The following IMMP2L variants were observed in gnomAD, a reference collection of about 807,000 sequenced individuals.
The protein encoded by IMMP2L is mitochondrial inner membrane protease subunit 2.
In IMMP2L, 18 loss-of-function variants were observed where a neutral mutation model predicts 19.3. The ratio of observed to expected loss-of-function variants is 0.93; its 90% CI spans 0.64 to 1.38. IMMP2L has a LOEUF of 1.38. IMMP2L is among the 40% of genes most tolerant of loss of function. The pLI is 0.00. For synonymous variants in IMMP2L, 76 were observed against 73.0 expected (o/e 1.04, Z -0.21); for missense variants, 233 against 218.2 (o/e 1.07, Z -0.43).
intron 3 of IMMP2L, among the ~76,000 whole-genome samples, chr7:111,031,618 C>A (rs1162711289): frequency 6.6e-6 from 1 of 152,026 alleles, no homozygotes; most frequent in East Asian, 1.9e-4. Flanking sequence ...GATAAAGAGG[C>A]AAGTATATCC....
chr7:110,749,739 C>G (rs1038770887), intron 5 of IMMP2L, among the ~76,000 whole-genome samples: 20 of 151,894 alleles, frequency 1.3e-4, no homozygotes, highest in African/African-American at 4.8e-4. Context: ...CACACTAGGG[C>G]CTGTCAGGGG....
At chr7:110,986,739 A>T (rs527332793) in intron 3 of IMMP2L, among the ~76,000 whole-genome samples, 1 of 152,046 alleles carries the variant, frequency 6.6e-6, no homozygotes, top group African/African-American at 2.4e-5. Context: ...CAGCTGGCTT[A>T]TTTGTAAAAC....
intron 5 of IMMP2L, among the ~76,000 whole-genome samples, chr7:110,867,309 T>C (rs2129543444): frequency 6.6e-6 from 1 of 151,942 alleles, no homozygotes; most frequent in South Asian, 2.1e-4. Flanking sequence ...ACTAATCTCA[T>C]CATGAGGGGC....
intron 3 of IMMP2L, among the ~76,000 whole-genome samples, chr7:111,332,268 TAGAG>T: frequency 6.6e-6 from 1 of 151,974 alleles, no homozygotes; most frequent in South Asian, 2.1e-4. Context: ...AAAAGGTTAC[TAGAG>T]AAAGAAGCCA....
At chr7:111,114,901 G>A (rs918509676) in intron 3 of IMMP2L, among the ~76,000 whole-genome samples, 4 of 151,754 alleles carry the variant, frequency 2.6e-5, no homozygotes, top group African/African-American at 4.8e-5. Flanking sequence ...CCTAACTCCC[G>A]GGTCTGCATA....
At chr7:111,016,930 CT>C (rs375334033) in intron 3 of IMMP2L, among the ~76,000 whole-genome samples, 12,375 of 97,198 alleles carry the variant, frequency 0.13, 819 homozygotes, top group South Asian at 0.26. Context: ...TTTATATATA[CT>C]AATATATATT....
At chr7:110,670,228 T>C (rs926359705) in intron 5 of IMMP2L, among the ~76,000 whole-genome samples, 1 of 152,082 alleles carries the variant, frequency 6.6e-6, no homozygotes, top group Non-Finnish European at 1.5e-5. Context: ...GAAGGTGGCA[T>C]CAACAGCCAA....
intron 3 of IMMP2L, among the ~76,000 whole-genome samples, chr7:111,292,881 A>C (rs1190364600): frequency 1.3e-5 from 2 of 152,020 alleles, no homozygotes; most frequent in Non-Finnish European, 2.9e-5. Flanking sequence ...TTATGGAACA[A>C]CCATTATAAC....
At chr7:111,534,396 GA>G (rs1425985428) in intron 1 of IMMP2L, among the ~76,000 whole-genome samples, 2 of 151,968 alleles carry the variant, frequency 1.3e-5, no homozygotes, top group Non-Finnish European at 2.9e-5. Context: ...TTTTTAATAT[GA>G]ACCCATTTAT....
chr7:110,938,606 A>C (rs893203511), intron 4 of IMMP2L, among the ~76,000 whole-genome samples: 2 of 152,172 alleles, frequency 1.3e-5, no homozygotes, highest in Admixed American at 1.3e-4. Context: ...GGAGTTTCTG[A>C]TTAAAAAGAT....
At chr7:110,796,812 C>T (rs1043324611) in intron 5 of IMMP2L, among the ~76,000 whole-genome samples, 2 of 151,954 alleles carry the variant, frequency 1.3e-5, no homozygotes, top group African/African-American at 4.8e-5. Flanking sequence ...GTTAATTAAC[C>T]AAGGATATCT....
intron 4 of IMMP2L, among the ~76,000 whole-genome samples, chr7:110,927,968 C>T (rs1815044858): frequency 6.6e-6 from 1 of 152,010 alleles, no homozygotes; most frequent in Non-Finnish European, 1.5e-5. Context: ...TTCCTTTTTT[C>T]TTGATATGTT....
intron 1 of IMMP2L, chr7:111,532,423 C>CT (rs1415359131): frequency 1.3e-5 from 2 of 152,064 alleles, no homozygotes; most frequent in Admixed American, 6.6e-5. Context: ...AAATCCTATC[C>CT]TGATCCCTAC....
intron 5 of IMMP2L, among the ~76,000 whole-genome samples, chr7:110,689,132 C>T (rs1793321184): frequency 6.6e-6 from 1 of 152,126 alleles, no homozygotes; most frequent in Admixed American, 6.5e-5. Flanking sequence ...TGGAACTCCG[C>T]ATTCTGTGGT....
At chr7:111,219,408 A>T (rs957693634) in intron 3 of IMMP2L, among the ~76,000 whole-genome samples, 4 of 151,962 alleles carry the variant, frequency 2.6e-5, no homozygotes. Flanking sequence ...AGGACCCTAA[A>T]TTTTAAACAA....
intron 3 of IMMP2L, among the ~76,000 whole-genome samples, chr7:111,317,296 G>A (rs1433000145): frequency 6.6e-6 from 1 of 152,082 alleles, no homozygotes; most frequent in African/African-American, 2.4e-5. Context: ...AACATCTGAA[G>A]CCATTCTGAA....
chr7:111,169,979 G>A (rs537422220), intron 3 of IMMP2L, among the ~76,000 whole-genome samples: 7 of 151,730 alleles, frequency 4.6e-5, no homozygotes, highest in East Asian at 3.9e-4. Flanking sequence ...ACGTTAATCC[G>A]GTTTCACAAA....
intron 3 of IMMP2L, among the ~76,000 whole-genome samples, chr7:111,388,296 G>A (rs903216636): frequency 2.0e-5 from 3 of 151,974 alleles, no homozygotes; most frequent in African/African-American, 7.3e-5. Flanking sequence ...GTATAAAAAG[G>A]GGAAATTGGG....
intron 3 of IMMP2L, among the ~76,000 whole-genome samples, chr7:111,366,856 G>T: frequency 6.6e-6 from 1 of 151,494 alleles, no homozygotes; most frequent in Non-Finnish European, 1.5e-5. Flanking sequence ...TATATGTGGA[G>T]AGGAGAGACA....
Sources: allele counts gnomAD v4.1 joint callset (sites outside exome capture counted in the v4.1 genomes callset), GRCh38; gene constraint gnomAD v4.1.1; transcripts MANE v1.5; gene names NCBI Gene and HGNC (gene_info 2026-07-23, HGNC 2026-07-21).